EFTUD2: variants seen among roughly 807,000 people sequenced by gnomAD.
The protein encoded by EFTUD2 is 116 kDa U5 small nuclear ribonucleoprotein component.
A neutral mutation model predicts 114.3 loss-of-function variants in EFTUD2; 9 were observed. That is an observed-to-expected ratio of 0.08 (90% confidence interval 0.05 to 0.14). The LOEUF is 0.14. Among genes scored for constraint, EFTUD2 ranks in the 10% least tolerant of loss-of-function variants. The probability of loss-of-function intolerance (pLI) is 1.00; values close to 1 mark genes in which losing one functional copy is unlikely to be tolerated. For synonymous variants in EFTUD2, 449 were observed against 462.3 expected, an observed-to-expected ratio of 0.97 and a Z score of 0.37; for missense variants, 765 against 1,241.2, an observed-to-expected ratio of 0.62 and a Z score of 5.76.
intron 1 of EFTUD2, among the ~76,000 whole-genome samples, chr17:44,897,996 T>C (rs1477325140): frequency 1.3e-5 from 2 of 152,362 alleles, no homozygotes; most frequent in East Asian, 1.9e-4. Flanking sequence ...AAGATGCTGA[T>C]ATTTCTTGGA....
At chr17:44,874,376 T>G (rs990378231) in intron 10 of EFTUD2, among the ~76,000 whole-genome samples, 1 of 152,116 alleles carries the variant, frequency 6.6e-6, no homozygotes, top group African/African-American at 2.4e-5. Flanking sequence ...CATTTCATCC[T>G]TTGGACTCAT....
At chr17:44,890,808 C>T (rs2051265850) in intron 2 of EFTUD2, among the ~76,000 whole-genome samples, 1 of 152,178 alleles carries the variant, frequency 6.6e-6, no homozygotes, top group Non-Finnish European at 1.5e-5. Flanking sequence ...TCTGACAGTA[C>T]TTAGTATAAA....
rs770287771 is a variant in EFTUD2 at position 44,854,400 on chromosome 17, G to A, written c.2260-44C>T. The A allele has an allele frequency of 1.3e-5, 21 of 1,596,424 alleles. No individual in the cohort carries two copies. The highest frequency in any genetic ancestry group is 1.7e-4 in the Middle Eastern group (1 of 6,006). Reference sequence around the variant, plus strand: ...CCTCCTTAGCAGTCGCCCTGGCAACGGCTGAAGCATTTAGAGGGAGAAGAC... The same window carrying A: ...CCTCCTTAGCAGTCGCCCTGGCAACAGCTGAAGCATTTAGAGGGAGAAGAC... On this transcript the variant is annotated intron_variant, in intron 22 of 27. Coordinates refer to ENST00000426333, the MANE Select transcript of EFTUD2 (RefSeq NM_004247.4). This position sits in a 1 kb window ranked among gnomAD's most constrained non-coding sequence, Gnocchi z 4.3.
intron 9 of EFTUD2, 134 bp from the exon 10 acceptor site, chr17:44,876,234 G>T (rs1045203026): frequency 3.2e-5 from 34 of 1,057,886 alleles, no homozygotes; most frequent in Non-Finnish European, 4.3e-5. Flanking sequence ...ATTACTGGGT[G>T]GAAGCAGAGA....
At chr17:44,890,994 G>A (rs866217736) in intron 2 of EFTUD2, among the ~76,000 whole-genome samples, 1 of 149,668 alleles carries the variant, frequency 6.7e-6, no homozygotes, top group East Asian at 2.0e-4. Context: ...CTGGTGACAG[G>A]TAACCTTGGT....
At chr17:44,851,606 G>A (rs1229354374) in intron 27 of EFTUD2, 104 bp downstream of exon 27, 39 of 1,224,206 alleles carry the variant, frequency 3.2e-5, no homozygotes, top group Non-Finnish European at 4.2e-5. Context: ...CTCTACATTG[G>A]AAAAGTGTCC....
chr17:44,860,339 G>T, intron 17 of EFTUD2, 93 bp downstream of exon 17: 1 of 920,168 alleles, frequency 1.1e-6, no homozygotes, highest in Non-Finnish European at 1.8e-6. Flanking sequence ...CCAGGACATG[G>T]CAATGACTGT....
At chr17:44,868,418 C>T (rs1407995317) in intron 11 of EFTUD2, 68 bp from the exon 12 acceptor site, 1 of 1,509,940 alleles carries the variant, frequency 6.6e-7, no homozygotes, top group South Asian at 1.1e-5. Context: ...TTTCAGGTGC[C>T]ACAGGTGGTT....
chr17:44,879,155 G>A (rs1400395840), intron 9 of EFTUD2, among the ~76,000 whole-genome samples: 1 of 152,024 alleles, frequency 6.6e-6, no homozygotes, highest in Non-Finnish European at 1.5e-5. Flanking sequence ...GCGCAATCTC[G>A]GCTCACTGCA....
rs146259109 is a variant in EFTUD2 at position 44,894,836 on chromosome 17, G to A, written c.-4-311C>T. Among the ~76,000 whole-genome samples, 97 of 152,322 alleles carry A rather than the reference G, an allele frequency of 6.4e-4. 2 individuals are homozygous for A. In the East Asian group the frequency reaches 0.016, roughly 25 times the overall value. ...AAGCTCCGCCGTACAGAGATGGGGCGTGGGGGGCGCTCCAAAGCCAAAAGA... is the reference window on the plus strand; with the variant it reads ...AAGCTCCGCCGTACAGAGATGGGGCATGGGGGGCGCTCCAAAGCCAAAAGA... On this transcript the variant is annotated intron_variant, in intron 1 of 27. Transcript: ENST00000426333.
At chr17:44,861,994 T>C (rs1304403802) in intron 16 of EFTUD2, among the ~76,000 whole-genome samples, 1 of 151,776 alleles carries the variant, frequency 6.6e-6, no homozygotes, top group East Asian at 1.9e-4. Flanking sequence ...GGTCAAAGAG[T>C]AGACAGTGGA....
intron 9 of EFTUD2, among the ~76,000 whole-genome samples, chr17:44,878,621 T>C (rs1311777248): frequency 1.3e-5 from 2 of 152,170 alleles, no homozygotes; most frequent in African/African-American, 4.8e-5. Context: ...TCTTAGAAAA[T>C]ACATTCTGAA....
chr17:44,869,886 C>T (rs1195830292), intron 11 of EFTUD2, among the ~76,000 whole-genome samples: 8 of 152,168 alleles, frequency 5.3e-5, no homozygotes, highest in Admixed American at 3.3e-4. Flanking sequence ...GGATTCTGTT[C>T]GTCCACTGGA....
chr17:44,896,806 G>A (rs149978196), intron 1 of EFTUD2, among the ~76,000 whole-genome samples: 2 of 152,288 alleles, frequency 1.3e-5, no homozygotes, highest in Non-Finnish European at 2.9e-5. Context: ...TGTAACTTGA[G>A]GTAAGTTACT....
At chr17:44,871,781 C>T (rs539906234) in intron 11 of EFTUD2, among the ~76,000 whole-genome samples, 57 of 152,356 alleles carry the variant, frequency 3.7e-4, no homozygotes, top group African/African-American at 1.3e-3. Context: ...CTCACGGAGC[C>T]TGTCTGCTCG....
chr17:44,883,217 T>C, intron 5 of EFTUD2, 59 bp from the exon 6 acceptor site: 2 of 1,501,830 alleles, frequency 1.3e-6, no homozygotes, highest in Non-Finnish European at 1.8e-6. Flanking sequence ...ACTGTGCCCT[T>C]CCCCCAGCTC....
chr17:44,854,218 T>C lies in EFTUD2; in HGVS notation c.2347+51A>G. 1 of 1,560,274 alleles carries C rather than the reference T, an allele frequency of 6.4e-7. No individual in the cohort carries two copies. Among genetic ancestry groups the C allele is most frequent in the South Asian group, 1.2e-5 (1 of 84,166 alleles). On this transcript the variant is annotated intron_variant, in intron 23 of 27. Coordinates refer to ENST00000426333, the MANE Select transcript of EFTUD2 (RefSeq NM_004247.4). This position sits in a 1 kb window ranked among gnomAD's most constrained non-coding sequence, Gnocchi z 4.3. ...GGTGAGCCCATCCCACTCATATGCC[T>C]GGCTGCAAGGACCCTCGAGGACTGG... is the stretch of plus-strand genomic sequence containing the variant.
Position 44,851,067 on chromosome 17 carries a change from C to T in EFTUD2, c.*207G>A, listed in dbSNP as rs918244874. On this transcript the variant is annotated 3_prime_UTR_variant, in exon 28 of 28. Transcript: ENST00000426333. ...CTCTCTTTTCCTTGGGAATGGAGCC[C>T]GGCAGAGGCCACAGAAGGAAGCAGG... The T allele has an allele frequency of 2.1e-5, 11 of 523,348 alleles. No individual in the cohort carries two copies. The highest frequency in any genetic ancestry group is 6.2e-5 in the Admixed American group (2 of 32,412). 32.4% of individuals were successfully genotyped at this position (523,348 alleles called of 1,614,324 possible).
chr17:44,850,962 A>C lies in EFTUD2; in HGVS notation c.*312T>G. On this transcript the variant is annotated 3_prime_UTR_variant, in exon 28 of 28. Coordinates refer to ENST00000426333, the MANE Select transcript of EFTUD2 (RefSeq NM_004247.4). ...AAACCATGGCTAAGGTCAAACTTGTAGAAAATAAAATTCCATGTAAATCCC... is the reference window on the plus strand; with the variant it reads ...AAACCATGGCTAAGGTCAAACTTGTCGAAAATAAAATTCCATGTAAATCCC... 1 of 366,208 alleles carries C rather than the reference A, an allele frequency of 2.7e-6. No individual in the cohort carries two copies. The highest frequency in any genetic ancestry group is 3.4e-5 in the South Asian group (1 of 29,416). The allele number at this position is 366,208 out of a possible 1,614,324, so 22.7% of individuals were successfully genotyped here.
Sources: gnomAD v4.1 joint callset for allele counts (sites outside exome capture counted in the v4.1 genomes callset) on GRCh38, gnomAD v4.1.1 for gene constraint, Gnocchi (gnomAD v3.1) non-coding constraint, MANE v1.5 for transcripts, NCBI Gene and HGNC (gene_info 2026-07-23, HGNC 2026-07-21) for gene names.